Variants in DIS3L2 observed in about 807,000 individuals in gnomAD.
DIS3L2 encodes DIS3 like 3'-5' exoribonuclease 2.
Under a neutral mutation model 97.5 loss-of-function variants are expected in DIS3L2, and 34 were observed. That is an observed-to-expected ratio of 0.35 (90% CI 0.27 to 0.46). The LOEUF is 0.46. Ranked by LOEUF, DIS3L2 falls within the 20% of genes least tolerant of loss-of-function variation. The probability of loss-of-function intolerance (pLI) is 1.00; values close to 1 mark genes in which losing one functional copy is unlikely to be tolerated. For synonymous variants in DIS3L2, 435 were observed against 445.2 expected, an observed-to-expected ratio of 0.98 and a Z score of 0.29; for missense variants, 1,038 against 1,146.0, an observed-to-expected ratio of 0.91 and a Z score of 1.36.
chr2:232,222,902 A>G (rs934741184), intron 10 of DIS3L2, among the ~76,000 whole-genome samples: 8 of 152,230 alleles, frequency 5.3e-5, no homozygotes, highest in Non-Finnish European at 7.3e-5. Flanking sequence ...ATGCTTGCCA[A>G]TGAGTTCCTT....
Position 231,993,406 on chromosome 2 carries a change from G to A in DIS3L2, c.-93-21429G>A, listed in dbSNP as rs371584085. On this transcript the variant is annotated intron_variant, in intron 1 of 20. Coordinates refer to ENST00000325385, the MANE Select transcript of DIS3L2 (RefSeq NM_152383.5). ...TTTTTGTATTTTTAGCAGAGACAGGGTTTCGCCATGTTGGCCTGGCTGGGC... is the reference window on the plus strand; with the variant it reads ...TTTTTGTATTTTTAGCAGAGACAGGATTTCGCCATGTTGGCCTGGCTGGGC... 2.0e-5 allele frequency among the ~76,000 whole-genome samples: 3 copies of A among 151,768 alleles called. No homozygotes were observed. The East Asian group carries it at 5.8e-4, about 29-fold the overall frequency.
At chr2:232,044,940 G>C (rs1196956594) in intron 5 of DIS3L2, among the ~76,000 whole-genome samples, 1 of 152,090 alleles carries the variant, frequency 6.6e-6, no homozygotes, top group African/African-American at 2.4e-5. Context: ...AAGTAGAGTT[G>C]TTATTTATTG....
chr2:232,176,895 G>A (rs1357453177), intron 9 of DIS3L2, among the ~76,000 whole-genome samples: 12 of 148,028 alleles, frequency 8.1e-5, no homozygotes, highest in African/African-American at 2.0e-4. Flanking sequence ...ATGCTGGTGC[G>A]CTGCACCCAC....
chr2:232,334,241 C>A, intron 17 of DIS3L2, 128 bp from the exon 18 acceptor site: 1 of 1,305,714 alleles, frequency 7.7e-7, no homozygotes, highest in Non-Finnish European at 1.0e-6. Flanking sequence ...CTTTCTGCTG[C>A]CCTGGGAGCT....
intron 1 of DIS3L2, among the ~76,000 whole-genome samples, chr2:231,969,468 G>A (rs181766216): frequency 2.0e-4 from 31 of 151,958 alleles, no homozygotes; most frequent in Admixed American, 1.6e-3. Flanking sequence ...GTGCCACCAC[G>A]CCCGGCTAAT....
At chr2:232,238,391 A>G in intron 10 of DIS3L2, 142 bp from the exon 11 acceptor site, 1 of 609,418 alleles carries the variant, frequency 1.6e-6, no homozygotes, top group Non-Finnish European at 2.9e-6. Flanking sequence ...TGGCCAAGGA[A>G]GGAAGCAAGC....
intron 7 of DIS3L2, among the ~76,000 whole-genome samples, chr2:232,133,633 G>T (rs995752849): frequency 6.6e-5 from 10 of 152,048 alleles, no homozygotes; most frequent in African/African-American, 2.4e-4. Context: ...GCTTCAATAA[G>T]CAATTAAAAA....
chr2:232,032,008 C>T (rs1694817919), intron 5 of DIS3L2, among the ~76,000 whole-genome samples: 1 of 152,108 alleles, frequency 6.6e-6, no homozygotes, highest in Admixed American at 6.5e-5. Flanking sequence ...GATTTATAAT[C>T]CTTTGGGTAT....
Position 232,015,595 on chromosome 2 carries a change from A to G in DIS3L2, c.134A>G (p.Lys45Arg), listed in dbSNP as rs1574812762. ...KKSKNRSTRG[K>R]KKSIFETYMS... is the part of the protein sequence containing the mutation. ...TCAAAGAACAGGTCCACACGAGGGAAGAAAAAGAGCATATTTGAAACTTAC... is the reference window on the plus strand; with the variant it reads ...TCAAAGAACAGGTCCACACGAGGGAGGAAAAAGAGCATATTTGAAACTTAC... Residue 45 changes from lysine (K) to arginine (R), a missense_variant, in exon 3 of 21, where the codon AAG becomes AGG. Around this residue, in one of 3 missense-constraint regions of DIS3L2, gnomAD observed 813 missense variants for 880.1 expected, o/e 0.92. Transcript: ENST00000325385. 6.2e-7 allele frequency: 1 copy of G among 1,614,100 alleles called. No individual in the cohort carries two copies.
intron 9 of DIS3L2, among the ~76,000 whole-genome samples, chr2:232,181,779 G>A (rs1299235097): frequency 6.6e-6 from 1 of 151,936 alleles, no homozygotes; most frequent in Non-Finnish European, 1.5e-5. Flanking sequence ...CTGGGATACA[G>A]GCGTGCATCA....
downstream of DIS3L2, chr2:232,340,734 A>G (rs1404472614): frequency 2.1e-6 from 1 of 470,474 alleles, no homozygotes; most frequent in Non-Finnish European, 4.4e-6. Flanking sequence ...GAGACAAAGA[A>G]CCCAACCTCA....
intron 5 of DIS3L2, among the ~76,000 whole-genome samples, chr2:232,080,007 A>G (rs978065270): frequency 2.0e-5 from 3 of 152,250 alleles, no homozygotes; most frequent in African/African-American, 7.2e-5. Context: ...TGTGTTTTAA[A>G]AGAAACGCTC....
At chr2:232,116,185 A>AATAT (rs1463991535) in intron 6 of DIS3L2, among the ~76,000 whole-genome samples, 2 of 7,732 alleles carry the variant, frequency 2.6e-4, no homozygotes, top group African/African-American at 1.4e-3. Context: ...TAAATAAATG[A>AATAT]ATAAATAAAT....
chr2:232,258,903 C>T (rs1047595175), intron 12 of DIS3L2, among the ~76,000 whole-genome samples: 1 of 152,202 alleles, frequency 6.6e-6, no homozygotes, highest in African/African-American at 2.4e-5. Flanking sequence ...CGACAACAGA[C>T]TCCTTTCTTT....
intron 14 of DIS3L2, among the ~76,000 whole-genome samples, chr2:232,326,978 T>A (rs532361330): frequency 3.2e-4 from 48 of 152,312 alleles, no homozygotes; most frequent in East Asian, 3.1e-3. Context: ...GTCTGTGGTC[T>A]TGGCAGGGGC....
chr2:232,076,367 C>T (rs578184822), intron 5 of DIS3L2, among the ~76,000 whole-genome samples: 191 of 152,276 alleles, frequency 1.3e-3, no homozygotes, highest in African/African-American at 4.3e-3. Flanking sequence ...TAGTCCTGGT[C>T]TCTTCTACAA....
intron 4 of DIS3L2, among the ~76,000 whole-genome samples, chr2:232,028,929 T>C (rs1694732515): frequency 6.6e-6 from 1 of 152,204 alleles, no homozygotes. Flanking sequence ...AAAACTATTC[T>C]AGAAGATCTC....
At chr2:232,320,757 T>C (rs1258220955) in intron 14 of DIS3L2, among the ~76,000 whole-genome samples, 1 of 152,200 alleles carries the variant, frequency 6.6e-6, no homozygotes, top group African/African-American at 2.4e-5. Flanking sequence ...AAATACCTCA[T>C]TTGTTCCCCC....
At chr2:232,307,988 G>T (rs1357461570) in intron 14 of DIS3L2, among the ~76,000 whole-genome samples, 1 of 152,222 alleles carries the variant, frequency 6.6e-6, no homozygotes. Flanking sequence ...AGGGAGTGCT[G>T]ATTCCAGCCG....
Sources: gnomAD v4.1 joint callset for allele counts (sites outside exome capture counted in the v4.1 genomes callset) on GRCh38, gnomAD v4.1.1 for gene constraint, gnomAD v4.1.1 regional missense constraint, MANE v1.5 for transcripts, NCBI Gene and HGNC (gene_info 2026-07-23, HGNC 2026-07-21) for gene names.